The following CNOT10 variants were observed in gnomAD, a reference collection of about 807,000 sequenced individuals.
The protein encoded by CNOT10 is CCR4-NOT transcription complex, subunit 10.
In CNOT10, 30 loss-of-function variants were observed where a neutral mutation model predicts 94.6. That is an observed-to-expected ratio of 0.32 (90% CI 0.24 to 0.43). The LOEUF is 0.43. Ranked by LOEUF, CNOT10 falls within the 20% of genes least tolerant of loss-of-function variation. The pLI, the probability that CNOT10 is intolerant of heterozygous loss-of-function variation, is 1.00. For missense variants in CNOT10, 759 were observed against 877.2 expected (o/e 0.87, Z 1.70); for synonymous variants, 289 against 301.6 (o/e 0.96, Z 0.43).
Position 32,720,210 on chromosome 3 carries a change from C to A in CNOT10, c.841C>A (p.His281Asn). ...KLLNSSNIAE[H>N]PGFMKTGECL... is the part of the protein sequence containing the mutation. ...ATTAAATAGTTCAAACATTGCTGAG[C>A]ATCCAGGATTCATGAAAACAGGTAA... The change falls in exon 8 of 19, where the codon CAT becomes AAT. Residue 281 changes from histidine to asparagine, a missense_variant. By Grantham distance (68) the His-to-Asn change is moderately conservative. Coordinates refer to ENST00000328834, the MANE Select transcript of CNOT10 (RefSeq NM_015442.3). 1 of 1,511,664 alleles carries A rather than the reference C, an allele frequency of 6.6e-7. No individual in the cohort carries two copies. The highest frequency in any genetic ancestry group is 9.0e-7 in the Non-Finnish European group (1 of 1,107,756). 93.6% of individuals were successfully genotyped at this position (1,511,664 alleles called of 1,614,324 possible).
At chr3:32,729,930 G>A (rs956205858) in intron 10 of CNOT10, among the ~76,000 whole-genome samples, 4 of 150,590 alleles carry the variant, frequency 2.7e-5, no homozygotes, top group South Asian at 2.1e-4. Context: ...CACTACGCCC[G>A]GCTAATTTTT....
chr3:32,713,090 C>T, intron 4 of CNOT10, 137 bp from the exon 5 acceptor site: 1 of 611,574 alleles, frequency 1.6e-6, no homozygotes, highest in Non-Finnish European at 2.7e-6. Flanking sequence ...ATTCGTGGCT[C>T]TAGGTGATAG....
chr3:32,766,742 C>A (rs1018244219), intron 17 of CNOT10, among the ~76,000 whole-genome samples: 2 of 151,922 alleles, frequency 1.3e-5, no homozygotes, highest in African/African-American at 4.8e-5. Flanking sequence ...TAAAATAAAC[C>A]TCTGAATTCT....
chr3:32,709,504 G>A (rs931810076), intron 4 of CNOT10, among the ~76,000 whole-genome samples: 2 of 152,138 alleles, frequency 1.3e-5, no homozygotes, highest in East Asian at 3.9e-4. Flanking sequence ...TTGCTCATGT[G>A]GTTACCACAG....
In CNOT10 at chr3:32,713,267, C is replaced by G; in HGVS notation, c.471C>G (p.Asp157Glu). The part of the protein sequence containing the change: ...FAQAVCFLLV[D>E]LYILTYQAEK... ...AAGCAGTGTGTTTTTTGCTTGTAGA[C>G]CTGTATATATTAACCTACCAAGCTG... The change falls in exon 5 of 19, where the codon GAC becomes GAG. Residue 157 changes from aspartate (D) to glutamate (E), a missense_variant. Asp to Glu is a conservative substitution (Grantham distance 45). Coordinates refer to ENST00000328834, the MANE Select transcript of CNOT10 (RefSeq NM_015442.3). 1 of 1,588,816 alleles carries G rather than the reference C, an allele frequency of 6.3e-7. No individual in the cohort carries two copies. The highest frequency in any genetic ancestry group is 8.5e-7 in the Non-Finnish European group (1 of 1,173,560).
In CNOT10 at chr3:32,764,527, C is replaced by G. The variant is rs372219519; in HGVS notation, c.1876+37C>G. 1.3e-5 allele frequency: 21 copies of G among 1,607,700 alleles called. No homozygotes were observed. In the African/African-American group the frequency reaches 2.5e-4, roughly 20 times the overall value. The stretch of plus-strand genomic sequence containing the variant: ...GTTTTGTGATACTTAAGTAGCCTGG[C>G]CTGCATCCCAAAAATTTAGATTCTA... On this transcript the variant is annotated intron_variant, in intron 16 of 18. Coordinates refer to ENST00000328834, the MANE Select transcript of CNOT10 (RefSeq NM_015442.3).
At chr3:32,686,885 G>T (rs1192210250) in intron 1 of CNOT10, among the ~76,000 whole-genome samples, 1 of 152,150 alleles carries the variant, frequency 6.6e-6, no homozygotes, top group Non-Finnish European at 1.5e-5. Flanking sequence ...CATTCGCAAA[G>T]ATTGAGTGTT....
At position 32,762,838 on chromosome 3, in the gene CNOT10, G is replaced by A. The variant is rs752133222; in HGVS notation, c.1815G>A (p.Gly605=). ...AGAATGTCACTGATGTCTCCTTAGG[G>A]ATCTCTTCAAATGAGCAGGACCAAG... ...NPENVTDVSL[G]ISSNEQDQGS... is the part of the protein sequence containing the mutation. The change falls in exon 15 of 19, where the codon GGG becomes GGA. Residue 605 remains glycine, a synonymous_variant. Coordinates refer to ENST00000328834, the MANE Select transcript of CNOT10 (RefSeq NM_015442.3). 3 of 1,568,470 alleles carry A rather than the reference G, an allele frequency of 1.9e-6. No individual in the cohort carries two copies. The highest frequency in any genetic ancestry group is 2.6e-6 in the Non-Finnish European group (3 of 1,166,042).
intron 14 of CNOT10, among the ~76,000 whole-genome samples, chr3:32,759,861 A>G (rs1014395283): frequency 1.3e-5 from 2 of 152,094 alleles, no homozygotes; most frequent in African/African-American, 4.8e-5. Context: ...AAGACCTACA[A>G]AAAAAGGAGT....
intron 7 of CNOT10, among the ~76,000 whole-genome samples, chr3:32,719,112 G>A (rs552326677): frequency 4.5e-4 from 68 of 152,188 alleles, no homozygotes; most frequent in Non-Finnish European, 8.8e-4. Flanking sequence ...AGCCAGGTGT[G>A]GTGGCATGCG....
intron 13 of CNOT10, among the ~76,000 whole-genome samples, chr3:32,755,388 A>G (rs1326840774): frequency 7.3e-6 from 1 of 137,566 alleles, no homozygotes; most frequent in African/African-American, 2.8e-5. Context: ...GCATGATCTC[A>G]GCTCACTGCA....
At chr3:32,735,724 T>G (rs114095726) in intron 12 of CNOT10, among the ~76,000 whole-genome samples, 258 of 152,192 alleles carry the variant, frequency 1.7e-3, no homozygotes, top group Middle Eastern at 3.4e-3. Context: ...AAACAGAAAA[T>G]TTATTAAAAT....
chr3:32,738,333 A>G lies in CNOT10; in HGVS notation c.1595+843A>G, dbSNP rs377298702. On this transcript the variant is annotated intron_variant, in intron 13 of 18. Coordinates refer to ENST00000328834, the MANE Select transcript of CNOT10 (RefSeq NM_015442.3). ...GTAGCCCTGAACTAATAAAAAGGAC[A>G]GGTATTACTTCTTCCTTAAGTATTT... Among the ~76,000 whole-genome samples, 18 of 152,326 alleles carry G rather than the reference A, an allele frequency of 1.2e-4. No individual in the cohort carries two copies. The East Asian group carries it at 2.1e-3, about 18-fold the overall frequency.
Position 32,739,288 on chromosome 3 carries a change from G to A in CNOT10, c.1595+1798G>A, listed in dbSNP as rs1699342913. ...AATCCTGCTAGCAATTTACATATTG[G>A]ATTGATGTTTTCAGAGAATAGACTT... On this transcript the variant is annotated intron_variant, in intron 13 of 18. Coordinates refer to ENST00000328834, the MANE Select transcript of CNOT10 (RefSeq NM_015442.3). Among the ~76,000 whole-genome samples, 3 of 152,076 alleles carry A rather than the reference G, an allele frequency of 2.0e-5. No individual in the cohort carries two copies. The South Asian group carries it at 6.2e-4, about 32-fold the overall frequency.
intron 13 of CNOT10, among the ~76,000 whole-genome samples, chr3:32,752,505 T>G (rs1223001817): frequency 6.6e-6 from 1 of 152,204 alleles, no homozygotes; most frequent in East Asian, 1.9e-4. Context: ...CTGGGTTCTT[T>G]GGGATGCCAG....
intron 3 of CNOT10, among the ~76,000 whole-genome samples, chr3:32,708,303 C>T (rs75283504): frequency 2.6e-5 from 4 of 152,290 alleles, no homozygotes; most frequent in East Asian, 1.9e-4. Flanking sequence ...GTTTGTTGCA[C>T]GCCTGGTGTA....
intron 13 of CNOT10, among the ~76,000 whole-genome samples, chr3:32,754,489 A>AAAATATATATATATATATATATATAT (rs77878221): frequency 1.4e-5 from 1 of 70,220 alleles, no homozygotes; most frequent in African/African-American, 7.7e-5. Context: ...AAAAAAAAAA[A>AAAATATATATATATATATATATATAT]ATACATATAT....
At chr3:32,749,405 ATTTTTTTTT>A (rs61077906) in intron 13 of CNOT10, among the ~76,000 whole-genome samples, 1 of 96,306 alleles carries the variant, frequency 1.0e-5, no homozygotes, top group Non-Finnish European at 2.0e-5. Context: ...TGTTGAGTTA[ATTTTTTTTT>A]TTTTTTTTTT....
At position 32,727,760 on chromosome 3, in the gene CNOT10, G is replaced by A; in HGVS notation, c.1105G>A (p.Gly369Arg). The change falls in exon 10 of 19, where the codon GGA (glycine) becomes AGA (arginine). Residue 369 changes from glycine to arginine, a missense_variant. By Grantham distance (125) the Gly-to-Arg change is moderately radical. Around this residue, in one of 3 missense-constraint regions of CNOT10, gnomAD observed 682 missense variants for 799.4 expected, o/e 0.85. Coordinates refer to ENST00000328834, the MANE Select transcript of CNOT10 (RefSeq NM_015442.3). ...YNCGIQLLHI[G>R]RPLAAFECLI... ...CTGTGGAATTCAGCTTCTTCACATT[G>A]GAAGGCCTCTTGCTGCCTTCGAATG... The A allele has an allele frequency of 6.2e-7, 1 of 1,613,456 alleles. No homozygotes were observed. Among genetic ancestry groups the A allele is most frequent in the Non-Finnish European group, 8.5e-7 (1 of 1,179,680 alleles).
Sources: allele counts gnomAD v4.1 joint callset (sites outside exome capture counted in the v4.1 genomes callset), GRCh38; gene constraint gnomAD v4.1.1; regional missense constraint gnomAD v4.1.1; transcripts MANE v1.5; gene names NCBI Gene and HGNC (gene_info 2026-07-23, HGNC 2026-07-21).